The following HIVEP1 variants were observed in gnomAD, a reference collection of about 807,000 sequenced individuals.
HIVEP1 encodes the protein zinc finger protein 40.
HIVEP1 carries 36 observed loss-of-function variants against 180.0 expected under a neutral mutation model. The observed-to-expected ratio is 0.20, with a 90% CI of 0.15 to 0.26. HIVEP1 has a LOEUF of 0.26. Among genes scored for constraint, HIVEP1 ranks in the 10% least tolerant of loss-of-function variants. HIVEP1 has a pLI of 1.00. For missense variants in HIVEP1, 3,143 were observed against 3,268.7 expected (o/e 0.96, Z 0.94); for synonymous variants, 1,239 against 1,239.0 (o/e 1.00, Z 0.00).
At chr6:12,084,591 G>T (rs1772996907) in intron 2 of HIVEP1, among the ~76,000 whole-genome samples, 1 of 152,092 alleles carries the variant, frequency 6.6e-6, no homozygotes, top group South Asian at 2.1e-4. Flanking sequence ...TAAGAGTAAG[G>T]TGCTTGCACT....
At chr6:12,107,546 C>T (rs1339381975) in intron 3 of HIVEP1, among the ~76,000 whole-genome samples, 1 of 152,110 alleles carries the variant, frequency 6.6e-6, no homozygotes. Context: ...TGTTACAGTT[C>T]TTAAAGGCAT....
chr6:12,178,399 G>A, the HIVEP1 span, among the ~76,000 whole-genome samples: 1 of 152,014 alleles, frequency 6.6e-6, no homozygotes, highest in African/African-American at 2.4e-5. Flanking sequence ...GACCAGCCTG[G>A]GCAACATGGC....
chr6:12,166,610 T>C (rs1228947887), downstream of HIVEP1, among the ~76,000 whole-genome samples: 20 of 152,230 alleles, frequency 1.3e-4, no homozygotes, highest in Admixed American at 1.3e-3. Flanking sequence ...TGAAATTACA[T>C]GCACAAAATA....
chr6:12,086,989 A>G (rs1773162126), intron 2 of HIVEP1, among the ~76,000 whole-genome samples: 1 of 152,132 alleles, frequency 6.6e-6, no homozygotes, highest in Non-Finnish European at 1.5e-5. Flanking sequence ...AGGAATTGTA[A>G]TAAAACTTGC....
the HIVEP1 span, among the ~76,000 whole-genome samples, chr6:12,174,582 G>A: frequency 6.6e-6 from 1 of 152,056 alleles, no homozygotes; most frequent in Admixed American, 6.6e-5. Flanking sequence ...GTTTTGTTTT[G>A]TAACTAAACA....
At chr6:12,104,378 TTC>T (rs921441156) in intron 3 of HIVEP1, among the ~76,000 whole-genome samples, 9 of 146,116 alleles carry the variant, frequency 6.2e-5, no homozygotes, top group African/African-American at 7.6e-5. Context: ...CTCTCTCTCT[TTC>T]TCTCTCTCTC....
At chr6:12,176,591 A>G in the HIVEP1 span, among the ~76,000 whole-genome samples, 1 of 152,162 alleles carries the variant, frequency 6.6e-6, no homozygotes, top group Non-Finnish European at 1.5e-5. Context: ...AGCTTGAGCT[A>G]ACTCCTCCAG....
chr6:12,113,436 G>A (rs746610881), intron 3 of HIVEP1, among the ~76,000 whole-genome samples: 12 of 152,010 alleles, frequency 7.9e-5, no homozygotes, highest in Non-Finnish European at 1.2e-4. Flanking sequence ...AAAGTTTACC[G>A]CAGGCTGAAG....
At chr6:12,148,472 G>T (rs1281181339) in intron 7 of HIVEP1, among the ~76,000 whole-genome samples, 1 of 152,234 alleles carries the variant, frequency 6.6e-6, no homozygotes, top group African/African-American at 2.4e-5. Context: ...GAGGATAAGT[G>T]AAAACATTGT....
intron 2 of HIVEP1, among the ~76,000 whole-genome samples, chr6:12,078,395 C>G (rs925596043): frequency 2.0e-5 from 3 of 151,974 alleles, no homozygotes; most frequent in Non-Finnish European, 1.5e-5. Context: ...CTTGTTCCAA[C>G]AGAACCAGAA....
intron 7 of HIVEP1, among the ~76,000 whole-genome samples, chr6:12,141,211 G>A (rs1015178169): frequency 1.1e-4 from 16 of 151,966 alleles, no homozygotes; most frequent in Non-Finnish European, 5.9e-5. Context: ...GTGGGGGCTG[G>A]TATTCAGCAT....
At chr6:12,135,080 T>A (rs1278132493) in intron 6 of HIVEP1, among the ~76,000 whole-genome samples, 1 of 152,194 alleles carries the variant, frequency 6.6e-6, no homozygotes, top group Non-Finnish European at 1.5e-5. Flanking sequence ...AGGCCAGATA[T>A]ATGCCTACAG....
the HIVEP1 span, among the ~76,000 whole-genome samples, chr6:12,201,179 A>G: frequency 6.6e-6 from 1 of 152,286 alleles, no homozygotes; most frequent in East Asian, 1.9e-4. Context: ...ATTTCTCTTT[A>G]TTTAAAATCA....
chr6:12,086,526 G>A (rs4467769), intron 2 of HIVEP1, among the ~76,000 whole-genome samples: 43,499 of 151,904 alleles, frequency 0.29, 6,454 homozygotes, highest in Middle Eastern at 0.36. Context: ...AGTCTAACAT[G>A]CCATTTTTTT....
intron 7 of HIVEP1, among the ~76,000 whole-genome samples, chr6:12,158,982 A>G (rs1760229824): frequency 6.6e-6 from 1 of 152,126 alleles, no homozygotes; most frequent in East Asian, 1.9e-4. Flanking sequence ...CTGTGTGAGA[A>G]TGTAACCCTC....
intron 2 of HIVEP1, among the ~76,000 whole-genome samples, chr6:12,021,182 G>A (rs561987602): frequency 1.1e-4 from 16 of 152,180 alleles, no homozygotes; most frequent in Middle Eastern, 3.4e-3. Context: ...CACCGCACCC[G>A]GCCCAGACTC....
At chr6:12,204,185 C>T in the HIVEP1 span, among the ~76,000 whole-genome samples, 3 of 152,274 alleles carry the variant, frequency 2.0e-5, no homozygotes, top group South Asian at 4.1e-4. Flanking sequence ...CACTTCCATG[C>T]AGACAGTCAG....
intron 2 of HIVEP1, among the ~76,000 whole-genome samples, chr6:12,069,165 T>C (rs1255641544): frequency 6.6e-6 from 1 of 152,244 alleles, no homozygotes; most frequent in South Asian, 2.1e-4. Flanking sequence ...ACTACACACG[T>C]AGCCTATATG....
chr6:12,011,429 C>G (rs959629538), upstream of HIVEP1, among the ~76,000 whole-genome samples: 3 of 151,530 alleles, frequency 2.0e-5, no homozygotes, highest in South Asian at 4.2e-4. Context: ...TCTTCCCGGA[C>G]CAACCGCCCC....
Sources: allele counts gnomAD v4.1 joint callset (sites outside exome capture counted in the v4.1 genomes callset), GRCh38; gene constraint gnomAD v4.1.1; transcripts MANE v1.5; gene names NCBI Gene and HGNC (gene_info 2026-07-23, HGNC 2026-07-21).